Variants in GPR15LG observed in about 807,000 individuals in gnomAD.
GPR15LG encodes the protein G protein-coupled receptor 15 ligand, also known as protein GPR15LG.
At chr10:84,181,438 T>G in the GPR15LG span, among the ~76,000 whole-genome samples, 8 of 152,016 alleles carry the variant, frequency 5.3e-5, no homozygotes, top group Non-Finnish European at 1.0e-4. Context: ...TGTTGTTGTT[T>G]TTTAAGAAAC....
chr10:84,177,307 T>C, the GPR15LG span, among the ~76,000 whole-genome samples: 3 of 152,152 alleles, frequency 2.0e-5, no homozygotes, highest in Non-Finnish European at 4.4e-5. Flanking sequence ...TTCACTGGAG[T>C]TGCCCAGCCC....
At chr10:84,175,556 G>A in the GPR15LG span, among the ~76,000 whole-genome samples, 1 of 152,236 alleles carries the variant, frequency 6.6e-6, no homozygotes, top group Non-Finnish European at 1.5e-5. Flanking sequence ...CCAGGTCGGA[G>A]TGCAGTGGCA....
At chr10:84,180,134 C>T in the GPR15LG span, among the ~76,000 whole-genome samples, 49 of 152,190 alleles carry the variant, frequency 3.2e-4, 1 homozygote, top group Admixed American at 5.2e-4. Flanking sequence ...CATCTTGCAC[C>T]GCCCTTAATC....
the GPR15LG span, among the ~76,000 whole-genome samples, chr10:84,174,154 A>T: frequency 1.3e-5 from 2 of 152,328 alleles, no homozygotes; most frequent in East Asian, 3.9e-4. Flanking sequence ...TACCCAGCCT[A>T]AGTAAAGTGG....
the GPR15LG span, among the ~76,000 whole-genome samples, chr10:84,182,613 T>G: frequency 6.6e-6 from 1 of 152,226 alleles, no homozygotes; most frequent in Non-Finnish European, 1.5e-5. Flanking sequence ...GTTCCACTTA[T>G]GTAAATGGAA....
At chr10:84,183,729 C>G in the GPR15LG span, among the ~76,000 whole-genome samples, 1 of 152,020 alleles carries the variant, frequency 6.6e-6, no homozygotes, top group Non-Finnish European at 1.5e-5. Flanking sequence ...TCACCACAGC[C>G]TCACCTCCCA....
At chr10:84,180,951 C>T in the GPR15LG span, among the ~76,000 whole-genome samples, 1 of 152,226 alleles carries the variant, frequency 6.6e-6, no homozygotes, top group Non-Finnish European at 1.5e-5. Context: ...TCAGGTGTGG[C>T]AGCACGCGCC....
At chr10:84,185,028 C>T in the GPR15LG span, 5 of 1,306,790 alleles carry the variant, frequency 3.8e-6, no homozygotes, top group South Asian at 8.5e-5. Flanking sequence ...CCAGTGCAAA[C>T]CACCGAGCAT....
the GPR15LG span, among the ~76,000 whole-genome samples, chr10:84,182,558 T>A: frequency 6.6e-6 from 1 of 152,242 alleles, no homozygotes; most frequent in South Asian, 2.1e-4. Context: ...TGGTCTTTCA[T>A]GCTCTTCGCA....
the GPR15LG span, among the ~76,000 whole-genome samples, chr10:84,179,940 C>T: frequency 1.4e-5 from 2 of 147,180 alleles, no homozygotes; most frequent in South Asian, 4.2e-4. Context: ...GGGGATTTGG[C>T]AGGGTCATAG....
the GPR15LG span, chr10:84,184,639 T>C: frequency 6.2e-7 from 1 of 1,606,542 alleles, no homozygotes; most frequent in Non-Finnish European, 8.5e-7. Flanking sequence ...CCTCGCCATC[T>C]TCCTGTCCTT....
At chr10:84,184,615 C>A in the GPR15LG span, 1 of 1,512,498 alleles carries the variant, frequency 6.6e-7, no homozygotes, top group Non-Finnish European at 9.2e-7. Flanking sequence ...TCTCTCCCCA[C>A]AACCTGGCTC....
At chr10:84,182,615 T>C in the GPR15LG span, among the ~76,000 whole-genome samples, 1 of 152,248 alleles carries the variant, frequency 6.6e-6, no homozygotes, top group Admixed American at 6.5e-5. Context: ...TCCACTTATG[T>C]AAATGGAAAC....
At chr10:84,175,160 GAGTAGTGGGATTATAACA>G in the GPR15LG span, among the ~76,000 whole-genome samples, 5 of 152,318 alleles carry the variant, frequency 3.3e-5, no homozygotes, top group East Asian at 9.6e-4. Flanking sequence ...AGCCATCTCT[GAGTAGTGGGATTATAACA>G]AGTGTTTGTT....
the GPR15LG span, among the ~76,000 whole-genome samples, chr10:84,182,397 G>A: frequency 0.024 from 3,643 of 152,282 alleles, 86 homozygotes; most frequent in Admixed American, 0.058. Context: ...TGAGTCTACA[G>A]GTCAGCTGGA....
chr10:84,176,116 G>A, the GPR15LG span, among the ~76,000 whole-genome samples: 1 of 151,838 alleles, frequency 6.6e-6, no homozygotes, highest in Non-Finnish European at 1.5e-5. Context: ...TCGAACACTC[G>A]ACCTCAAGTG....
At chr10:84,176,468 G>C in the GPR15LG span, 1 of 1,604,278 alleles carries the variant, frequency 6.2e-7, no homozygotes, top group South Asian at 1.1e-5. Context: ...CTTCCTTTGT[G>C]TCCACCCTCA....
chr10:84,185,188 C>T, the GPR15LG span: 248 of 571,382 alleles, frequency 4.3e-4, 1 homozygote, highest in Admixed American at 1.7e-3. Flanking sequence ...CTACCAGCAT[C>T]CAGTGGTCCC....
chr10:84,184,579 A>C, the GPR15LG span: 2 of 1,213,044 alleles, frequency 1.6e-6, no homozygotes, highest in Non-Finnish European at 2.4e-6. Flanking sequence ...ATGTGTTTGA[A>C]AATGCAACTT....
Sources: allele counts gnomAD v4.1 joint callset (sites outside exome capture counted in the v4.1 genomes callset), GRCh38; gene constraint gnomAD v4.1.1; transcripts MANE v1.5; gene names NCBI Gene and HGNC (gene_info 2026-07-23, HGNC 2026-07-21).